MGRN1: variants seen among roughly 807,000 people sequenced by gnomAD.
MGRN1 encodes mahogunin ring finger 1.
Under a neutral mutation model 69.2 loss-of-function variants are expected in MGRN1, and 29 were observed. The observed-to-expected ratio is 0.42, with a 90% CI of 0.31 to 0.57. MGRN1 has a LOEUF of 0.57. Among genes scored for constraint, MGRN1 ranks in the 20% least tolerant of loss-of-function variants. The pLI, the probability that MGRN1 is intolerant of heterozygous loss-of-function variation, is 0.15. For synonymous variants in MGRN1, 470 were observed against 344.2 expected, an observed-to-expected ratio of 1.37 and a Z score of -4.04; for missense variants, 998 against 796.2, an observed-to-expected ratio of 1.25 and a Z score of -3.05.
intron 11 of MGRN1, among the ~76,000 whole-genome samples, chr16:4,679,289 G>A (rs1248067094): frequency 6.6e-6 from 1 of 152,182 alleles, no homozygotes; most frequent in Non-Finnish European, 1.5e-5. Context: ...GGTGGCTGAG[G>A]ATCCAGTAGG....
At chr16:4,659,458 T>G (rs1659502) in intron 5 of MGRN1, among the ~76,000 whole-genome samples, 82,609 of 151,882 alleles carry the variant, frequency 0.54, 23,017 homozygotes, top group African/African-American at 0.65. Context: ...GTGGCCGGGG[T>G]AGGGGAGTGG....
chr16:4,653,746 C>T (rs1254268185), intron 4 of MGRN1, among the ~76,000 whole-genome samples: 1 of 150,000 alleles, frequency 6.7e-6, no homozygotes, highest in Non-Finnish European at 1.5e-5. Context: ...TCTCAGCCTC[C>T]CAAAGTGGTT....
At chr16:4,646,652 G>T (rs1029992892) in intron 1 of MGRN1, among the ~76,000 whole-genome samples, 1 of 152,224 alleles carries the variant, frequency 6.6e-6, no homozygotes, top group Non-Finnish European at 1.5e-5. Context: ...TGCAGTCTCT[G>T]TGGTCATCAT....
intron 16 of MGRN1, among the ~76,000 whole-genome samples, chr16:4,686,073 G>A (rs926461886): frequency 6.6e-6 from 1 of 151,810 alleles, no homozygotes; most frequent in Non-Finnish European, 1.5e-5. Context: ...GCTCCTCCGC[G>A]TTGAATTCTG....
intron 1 of MGRN1, among the ~76,000 whole-genome samples, chr16:4,642,320 C>T (rs1328336359): frequency 2.6e-5 from 4 of 151,472 alleles, no homozygotes; most frequent in Non-Finnish European, 5.9e-5. Flanking sequence ...ATTTTTGAAA[C>T]GGAGTCGTCT....
chr16:4,687,022 C>T (rs1160791362), intron 16 of MGRN1: 2 of 985,736 alleles, frequency 2.0e-6, no homozygotes, highest in Non-Finnish European at 2.4e-6. Flanking sequence ...CCCCCGCTCC[C>T]TCCTTCCCTT....
chr16:4,629,148 GTA>G lies in MGRN1; in HGVS notation c.88+4102_88+4103del, dbSNP rs753735380. The stretch of plus-strand genomic sequence containing the variant: ...ACTGCACCTGGCCTGCTTTCTGTTC[GTA>G]TGTGTGTGTGTGTGTGTGTGTGTGT... On this transcript the variant is annotated intron_variant, in intron 1 of 16. Transcript: ENST00000262370. Among the ~76,000 whole-genome samples, 294 of 87,198 alleles carry G rather than the reference GTA, an allele frequency of 3.4e-3. 1 individual carries two copies. Among genetic ancestry groups the G allele is most frequent in the South Asian group, 5.9e-3 (13 of 2,204 alleles). 57.2% of individuals were successfully genotyped at this position (87,198 alleles called of 152,430 possible).
At chr16:4,687,913 A>T (rs2079369527) in intron 16 of MGRN1, 1 of 985,352 alleles carries the variant, frequency 1.0e-6, no homozygotes, top group Non-Finnish European at 1.2e-6. Flanking sequence ...CTGAGCCATT[A>T]TACCCCTAGA....
chr16:4,639,868 C>T (rs1451936830), intron 1 of MGRN1: 1 of 152,250 alleles, frequency 6.6e-6, no homozygotes, highest in Non-Finnish European at 1.5e-5. Flanking sequence ...AGTTCAGGCA[C>T]AGGCAGGCGG....
chr16:4,654,466 T>C (rs8051392), intron 4 of MGRN1, among the ~76,000 whole-genome samples: 19,110 of 152,300 alleles, frequency 0.13, 2,616 homozygotes, highest in African/African-American at 0.35. Flanking sequence ...CTGGCAGGAC[T>C]GCCTCCAGGC....
chr16:4,625,143 T>A, intron 1 of MGRN1, 95 bp downstream of exon 1: 1 of 1,182,470 alleles, frequency 8.5e-7, no homozygotes, highest in Non-Finnish European at 1.1e-6. Context: ...GGCGCCCTGC[T>A]CGGCCCCCTC....
At chr16:4,688,699 G>A in intron 16 of MGRN1, 97 bp from the exon 17 acceptor site, 1 of 1,459,824 alleles carries the variant, frequency 6.9e-7, no homozygotes, top group South Asian at 1.4e-5. Context: ...GGGGGTGCTG[G>A]ATGGCCCAGC....
chr16:4,687,782 C>T, intron 16 of MGRN1: 1 of 985,444 alleles, frequency 1.0e-6, no homozygotes, highest in Non-Finnish European at 1.2e-6. Flanking sequence ...TCTAAGAGGC[C>T]CTTTCCCCTT....
At chr16:4,687,126 T>G in intron 16 of MGRN1, 1 of 985,416 alleles carries the variant, frequency 1.0e-6, no homozygotes, top group Non-Finnish European at 1.2e-6. Flanking sequence ...TGCTGCCGAC[T>G]CACCTGTCCC....
chr16:4,673,713 C>T, intron 10 of MGRN1, 56 bp downstream of exon 10: 1 of 1,590,440 alleles, frequency 6.3e-7, no homozygotes, highest in Non-Finnish European at 8.6e-7. Flanking sequence ...GGACTGGCCA[C>T]ACCACGGTGG....
chr16:4,683,128 G>T, intron 14 of MGRN1, 96 bp from the exon 15 acceptor site: 1 of 1,550,622 alleles, frequency 6.4e-7, no homozygotes, highest in East Asian at 2.2e-5. Flanking sequence ...TGGAGCGGCT[G>T]TGCGGTCCCG....
chr16:4,660,478 T>C (rs951338100), intron 5 of MGRN1, among the ~76,000 whole-genome samples: 1 of 152,108 alleles, frequency 6.6e-6, no homozygotes, highest in African/African-American at 2.4e-5. Flanking sequence ...GTTTCTGCAG[T>C]GTGATGAGAA....
chr16:4,628,726 G>A (rs761848506), intron 1 of MGRN1, among the ~76,000 whole-genome samples: 1 of 152,096 alleles, frequency 6.6e-6, no homozygotes, highest in Non-Finnish European at 1.5e-5. Context: ...TAAATTTTTG[G>A]TACAGATGAG....
chr16:4,653,414 C>G (rs1567195533), intron 4 of MGRN1, among the ~76,000 whole-genome samples: 1 of 152,324 alleles, frequency 6.6e-6, no homozygotes. Context: ...TGATGATTAA[C>G]TCCATCTCCA....
Sources: gnomAD v4.1 joint callset for allele counts (sites outside exome capture counted in the v4.1 genomes callset) on GRCh38, gnomAD v4.1.1 for gene constraint, MANE v1.5 for transcripts, NCBI Gene and HGNC (gene_info 2026-07-23, HGNC 2026-07-21) for gene names.